The following NHS variants were observed in gnomAD, a reference collection of about 807,000 sequenced individuals.
NHS encodes NHS actin remodeling regulator, also known as actin remodeling regulator NHS.
NHS carries 5 observed loss-of-function variants against 72.5 expected under a neutral mutation model. The ratio of observed to expected loss-of-function variants is 0.07; its 90% CI spans 0.04 to 0.14. The LOEUF is 0.14. Ranked by LOEUF, NHS falls within the 10% of genes least tolerant of loss-of-function variation. The pLI is 1.00. For missense variants in NHS, 1,072 were observed against 1,355.7 expected (o/e 0.79, Z 3.29); for synonymous variants, 464 against 547.7 (o/e 0.85, Z 2.13).
At chrX:17,442,649 A>G (rs1234882514) in intron 1 of NHS, among the ~76,000 whole-genome samples, 2 of 112,416 alleles carry the variant, frequency 1.8e-5, no homozygotes, top group Non-Finnish European at 3.7e-5. Flanking sequence ...TAATTATAGC[A>G]TAGATTAGAG....
chrX:17,599,046 C>T (rs1569290813), intron 1 of NHS, among the ~76,000 whole-genome samples: 1 of 112,291 alleles, frequency 8.9e-6, no homozygotes, highest in Non-Finnish European at 1.9e-5. Context: ...CTCTGCATCA[C>T]CCTGGTTGTT....
chrX:17,422,377 G>A (rs969497584), intron 1 of NHS, among the ~76,000 whole-genome samples: 1 of 111,387 alleles, frequency 9.0e-6, no homozygotes, highest in Admixed American at 9.5e-5. Flanking sequence ...AACAGGAGTT[G>A]GTCCCAGTGA....
intron 1 of NHS, among the ~76,000 whole-genome samples, chrX:17,519,118 T>C (rs995822519): frequency 2.7e-5 from 3 of 112,177 alleles, no homozygotes; most frequent in African/African-American, 9.7e-5. Flanking sequence ...TGCAGCTTCC[T>C]GTGCTGCACG....
rs766590704 is a variant in NHS, at chrX:17,731,904, G to T, written c.4396G>T (p.Val1466Phe). The change falls in exon 9 of 9, where the codon GTT becomes TTT. Residue 1466 changes from valine (V) to phenylalanine (F), a missense_variant. Val to Phe is a conservative substitution (Grantham distance 50). Transcript: ENST00000676302. ...LGRKDSGDMS[V>F]RSKSRAPLSS... ...AAGAAAAGATTCCGGGGACATGTCT[G>T]TTCGAAGCAAATCGAGAGCTCCCCT... 2 of 1,209,961 alleles carry T rather than the reference G, an allele frequency of 1.7e-6. No individual in the cohort carries two copies. The highest frequency in any genetic ancestry group is 2.2e-6 in the Non-Finnish European group (2 of 894,336).
chrX:17,671,714 C>G (rs1291864504), intron 1 of NHS, among the ~76,000 whole-genome samples: 1 of 111,741 alleles, frequency 8.9e-6, no homozygotes, highest in Non-Finnish European at 1.9e-5. Context: ...CCCAGGTCCC[C>G]GATTCAGAAC....
rs774280927 is a variant in NHS, at chrX:17,634,771, G to A, written c.566-52971G>A. ...GAAATTGATTTGTAACCTGCAAAGA[G>A]CAAACTCCAGTTGTATCGCCTCCAC... On this transcript the variant is annotated intron_variant, in intron 1 of 8. Coordinates refer to ENST00000676302, the MANE Select transcript of NHS (RefSeq NM_001291867.2). 2.9e-3 allele frequency among the ~76,000 whole-genome samples: 326 copies of A among 111,922 alleles called. 3 individuals carry two copies. The highest frequency in any genetic ancestry group is 0.01 in the African/African-American group (311 of 30,777).
At chrX:17,410,893 G>A (rs2064554422) in intron 1 of NHS, among the ~76,000 whole-genome samples, 1 of 111,826 alleles carries the variant, frequency 8.9e-6, no homozygotes, top group African/African-American at 3.3e-5. Context: ...TGAATCATTT[G>A]GAAGGAGCCA....
At chrX:17,568,298 G>C (rs1205238253) in intron 1 of NHS, among the ~76,000 whole-genome samples, 1 of 111,849 alleles carries the variant, frequency 8.9e-6, no homozygotes, top group Non-Finnish European at 1.9e-5. Flanking sequence ...CCCTCCACGT[G>C]TGCTGGATGT....
In NHS at chrX:17,727,718, C is replaced by T. The variant is rs1262480672; in HGVS notation, c.3612C>T (p.Asp1204=). 2 of 1,209,383 alleles carry T rather than the reference C, an allele frequency of 1.7e-6. No homozygotes were observed. Among genetic ancestry groups the T allele is most frequent in the Non-Finnish European group, 2.2e-6 (2 of 894,577 alleles). ...AAGACACCATACTGTCCTTTTTAGACTCTTCTGCAGTTGAGATGGGACCAG... is the reference window on the plus strand; with the variant it reads ...AAGACACCATACTGTCCTTTTTAGATTCTTCTGCAGTTGAGATGGGACCAG... ...STEDTILSFL[D]SSAVEMGPDK... is the part of the protein sequence containing the mutation. The change falls in exon 7 of 9, where the codon GAC becomes GAT. Residue 1204 remains aspartate, a synonymous_variant. Transcript: ENST00000676302.
At chrX:17,567,846 A>C (rs1387081490) in intron 1 of NHS, among the ~76,000 whole-genome samples, 4 of 111,187 alleles carry the variant, frequency 3.6e-5, no homozygotes, top group Non-Finnish European at 5.7e-5. Context: ...AAAAAGAAAG[A>C]GGGAGAGAAA....
chrX:17,437,796 G>A (rs1159597505), intron 1 of NHS, among the ~76,000 whole-genome samples: 17 of 111,444 alleles, frequency 1.5e-4, no homozygotes, highest in Non-Finnish European at 3.0e-4. Context: ...CACATATAAA[G>A]TACTTTGCAA....
At chrX:17,683,563 T>C (rs1186686953) in intron 1 of NHS, among the ~76,000 whole-genome samples, 1 of 111,437 alleles carries the variant, frequency 9.0e-6, no homozygotes, top group Non-Finnish European at 1.9e-5. Flanking sequence ...AGTTCCCATT[T>C]CCTTATCTAT....
chrX:17,629,573 G>A (rs2065815529), intron 1 of NHS, among the ~76,000 whole-genome samples: 1 of 111,668 alleles, frequency 9.0e-6, no homozygotes, highest in Non-Finnish European at 1.9e-5. Context: ...TTGACCATGT[G>A]GTGAGGACGG....
rs190985036 is a variant in NHS at position 17,494,737 on chromosome X, T to A, written c.565+118415T>A. On this transcript the variant is annotated intron_variant, in intron 1 of 8. Transcript: ENST00000676302. ...CCTGAGAACTGGGGGTCCTTGATGG[T>A]AGAATAAAATTGTTTTCCTTGATGT... is the stretch of plus-strand genomic sequence containing the variant. Among the ~76,000 whole-genome samples the A allele has an allele frequency of 8.9e-5, 10 of 112,737 alleles. No individual in the cohort carries two copies. The East Asian group carries it at 2.8e-3, about 32-fold the overall frequency.
chrX:17,477,716 C>A lies in NHS; in HGVS notation c.565+101394C>A, dbSNP rs980378482. Among the ~76,000 whole-genome samples, 3 of 111,771 alleles carry A rather than the reference C, an allele frequency of 2.7e-5. No individual in the cohort carries two copies. In the East Asian group the frequency reaches 8.4e-4, roughly 31 times the overall value. On this transcript the variant is annotated intron_variant, in intron 1 of 8. Coordinates refer to ENST00000676302, the MANE Select transcript of NHS (RefSeq NM_001291867.2). ...GAGAGTGGGAACAGGTCTCTTGAGC[C>A]CTACATGTGGAACTGGCATGATACA...
chrX:17,539,105 G>T (rs2065249611), intron 1 of NHS, among the ~76,000 whole-genome samples: 1 of 112,161 alleles, frequency 8.9e-6, no homozygotes, highest in Non-Finnish European at 1.9e-5. Context: ...TTGCCCCCTT[G>T]TTGCTTCTTA....
rs1349442722 is a variant in NHS, at chrX:17,615,119, CACACATATACATATGTGT to C, written c.566-72622_566-72605del. Among the ~76,000 whole-genome samples the C allele has an allele frequency of 1.9e-4, 18 of 94,436 alleles. No individual in the cohort carries two copies. In the East Asian group the frequency reaches 5.9e-3, roughly 31 times the overall value. The allele number at this position is 94,436 out of a possible 115,157, so 82.0% of individuals were successfully genotyped here. A position where few individuals can be genotyped will look rare whatever the true frequency, so the allele number is the denominator to read the frequency against. ...ATATATATATGTATATATATATATA[CACACATATACATATGTGT>C]GTATATATATACGTGTATATATACT... On this transcript the variant is annotated intron_variant, in intron 1 of 8. Coordinates refer to ENST00000676302, the MANE Select transcript of NHS (RefSeq NM_001291867.2).
At chrX:17,410,876 C>T (rs1221947490) in intron 1 of NHS, among the ~76,000 whole-genome samples, 1 of 111,801 alleles carries the variant, frequency 8.9e-6, no homozygotes, top group African/African-American at 3.3e-5. Flanking sequence ...TTTAAAAGAG[C>T]TCATTATGAA....
intron 3 of NHS, among the ~76,000 whole-genome samples, chrX:17,712,393 C>CACATATATATAT (rs1301774080): frequency 1.2e-5 from 1 of 81,440 alleles, no homozygotes; most frequent in African/African-American, 5.2e-5. Context: ...CACACACACA[C>CACATATATATAT]ATATATATAT....
Sources: gnomAD v4.1 joint callset for allele counts (sites outside exome capture counted in the v4.1 genomes callset) on GRCh38, gnomAD v4.1.1 for gene constraint, MANE v1.5 for transcripts, NCBI Gene and HGNC (gene_info 2026-07-23, HGNC 2026-07-21) for gene names.